The following TMEM135 variants were observed in gnomAD, a reference collection of about 807,000 sequenced individuals.
The protein encoded by TMEM135 is transmembrane protein 135, also known as peroxisomal membrane protein 52.
Under a neutral mutation model 60.3 loss-of-function variants are expected in TMEM135, and 30 were observed. The ratio of observed to expected loss-of-function variants is 0.50; its 90% CI spans 0.37 to 0.68. The LOEUF (loss-of-function observed/expected upper bound fraction) is 0.68. TMEM135 is among the 30% of genes least tolerant of loss of function. The probability of loss-of-function intolerance (pLI) is 0.00; values close to 1 mark genes in which losing one functional copy is unlikely to be tolerated. For synonymous variants in TMEM135, 190 were observed against 186.7 expected, an observed-to-expected ratio of 1.02 and a Z score of -0.14; for missense variants, 468 against 548.8, an observed-to-expected ratio of 0.85 and a Z score of 1.47.
rs372164080 is a variant in TMEM135, at chr11:87,280,928, C to T, written c.510-14854C>T. Among the ~76,000 whole-genome samples the T allele has an allele frequency of 5.6e-4, 85 of 152,264 alleles. No individual in the cohort carries two copies. In the Middle Eastern group the frequency reaches 0.017, roughly 31 times the overall value. On this transcript the variant is annotated intron_variant, in intron 6 of 14. Coordinates refer to ENST00000305494, the MANE Select transcript of TMEM135 (RefSeq NM_022918.4). ...GATGAACATGCCTATCAGCCGTATC[C>T]GCCTTCCTGCCTTTTGGATTTGATA...
At chr11:87,270,619 C>T (rs1941845415) in intron 6 of TMEM135, among the ~76,000 whole-genome samples, 1 of 152,104 alleles carries the variant, frequency 6.6e-6, no homozygotes, top group African/African-American at 2.4e-5. Flanking sequence ...AAATCATTCC[C>T]ACCATATGAT....
intron 6 of TMEM135, among the ~76,000 whole-genome samples, chr11:87,253,053 C>G (rs921301311): frequency 1.1e-4 from 16 of 151,956 alleles, no homozygotes; most frequent in Admixed American, 1.1e-3. Flanking sequence ...GAATCATTTC[C>G]TGTGAGAATA....
Position 87,327,606 on chromosome 11 carries a change from T to G in TMEM135, c.*6273T>G, listed in dbSNP as rs988573607. 9 of 452,958 alleles carry G rather than the reference T, an allele frequency of 2.0e-5. No homozygotes were observed. Among genetic ancestry groups the G allele is most frequent in the African/African-American group, 1.8e-4 (9 of 49,852 alleles). The allele number at this position is 452,958 out of a possible 1,614,324, so 28.1% of individuals were successfully genotyped here. ...GGATTAAGGGAGTTGGCTCATGTGATTGTGGAGGCTGAGAAACCCCACCAC... is the reference window on the plus strand; with the variant it reads ...GGATTAAGGGAGTTGGCTCATGTGAGTGTGGAGGCTGAGAAACCCCACCAC... On this transcript the variant is annotated 3_prime_UTR_variant, in exon 15 of 15. Transcript: ENST00000305494.
intron 6 of TMEM135, among the ~76,000 whole-genome samples, chr11:87,253,417 A>T (rs553344509): frequency 2.6e-5 from 4 of 152,190 alleles, no homozygotes; most frequent in Admixed American, 6.5e-5. Flanking sequence ...GGTGGTTTTA[A>T]AAATGTGAAT....
chr11:87,067,841 A>G lies in TMEM135; in HGVS notation c.269+20A>G, dbSNP rs373261075. 27 of 1,612,444 alleles carry G rather than the reference A, an allele frequency of 1.7e-5. No homozygotes were observed. In the African/African-American group the frequency reaches 2.8e-4, roughly 17 times the overall value. ...TTTAAGGTTGGTACTCATAATCACCATAGATACTAATATAGGTTCTTCTAT... is the reference window on the plus strand; with the variant it reads ...TTTAAGGTTGGTACTCATAATCACCGTAGATACTAATATAGGTTCTTCTAT... On this transcript the variant is annotated intron_variant, in intron 2 of 14. Coordinates refer to ENST00000305494, the MANE Select transcript of TMEM135 (RefSeq NM_022918.4).
chr11:87,237,854 C>G (rs894742176), intron 6 of TMEM135, among the ~76,000 whole-genome samples: 4 of 151,848 alleles, frequency 2.6e-5, no homozygotes, highest in African/African-American at 9.7e-5. Context: ...TCATTCTACT[C>G]TCTATGTCCA....
In TMEM135 at chr11:87,295,772, ATTG is replaced by A; in HGVS notation, c.510-7_510-5del. Reference sequence around the variant, plus strand: ...TGTTATTTTATGATTGTAAATTCTTATTGTTTTAGGTGCAAGGATGGCTTGAAA... The same window carrying A: ...TGTTATTTTATGATTGTAAATTCTTATTTTAGGTGCAAGGATGGCTTGAAA... On this transcript the variant is annotated splice_region_variant and splice_polypyrimidine_tract_variant and intron_variant, in intron 6 of 14. Coordinates refer to ENST00000305494, the MANE Select transcript of TMEM135 (RefSeq NM_022918.4). 1 of 1,597,152 alleles carries A rather than the reference ATTG, an allele frequency of 6.3e-7. No homozygotes were observed. The highest frequency in any genetic ancestry group is 8.6e-7 in the Non-Finnish European group (1 of 1,169,380).
intron 7 of TMEM135, among the ~76,000 whole-genome samples, chr11:87,296,072 A>G (rs1428403137): frequency 6.6e-6 from 1 of 152,198 alleles, no homozygotes; most frequent in African/African-American, 2.4e-5. Flanking sequence ...GTATTTGAAA[A>G]GAAATACAAG....
At chr11:87,283,706 A>G (rs1185189834) in intron 6 of TMEM135, among the ~76,000 whole-genome samples, 3 of 151,970 alleles carry the variant, frequency 2.0e-5, no homozygotes, top group Non-Finnish European at 4.4e-5. Context: ...AAAAATACAA[A>G]AATTAGCTGG....
At chr11:87,133,807 A>G (rs938014579) in intron 4 of TMEM135, among the ~76,000 whole-genome samples, 1 of 150,308 alleles carries the variant, frequency 6.7e-6, no homozygotes, top group Non-Finnish European at 1.5e-5. Flanking sequence ...CTCTTTTTTT[A>G]TCTGGCCTCT....
intron 4 of TMEM135, among the ~76,000 whole-genome samples, chr11:87,142,022 C>G (rs1035838497): frequency 6.6e-6 from 1 of 152,090 alleles, no homozygotes; most frequent in African/African-American, 2.4e-5. Context: ...AATGAAGGAA[C>G]CCAAGGACTT....
chr11:87,130,364 A>G lies in TMEM135; in HGVS notation c.397-26977A>G, dbSNP rs199837446. Among the ~76,000 whole-genome samples the G allele has an allele frequency of 4.6e-5, 7 of 152,290 alleles. No homozygotes were observed. The East Asian group carries it at 1.2e-3, about 25-fold the overall frequency. On this transcript the variant is annotated intron_variant, in intron 4 of 14. Transcript: ENST00000305494. ...GAAGGACATAAAATTTCATCTTTCTACTGTTTTCCTAAGAGGGCCTGGATG... is the reference window on the plus strand; with the variant it reads ...GAAGGACATAAAATTTCATCTTTCTGCTGTTTTCCTAAGAGGGCCTGGATG...
chr11:87,133,362 C>G (rs1373220296), intron 4 of TMEM135, among the ~76,000 whole-genome samples: 1 of 152,074 alleles, frequency 6.6e-6, no homozygotes, highest in South Asian at 2.1e-4. Context: ...AAAACATCAT[C>G]CCCAAAATTT....
chr11:87,291,739 C>T (rs1240173559), intron 6 of TMEM135, among the ~76,000 whole-genome samples: 1 of 151,806 alleles, frequency 6.6e-6, no homozygotes, highest in African/African-American at 2.4e-5. Flanking sequence ...GATGGGGTTT[C>T]GCCATGTTGG....
At chr11:87,306,698 C>G (rs531174728) in intron 9 of TMEM135, among the ~76,000 whole-genome samples, 1 of 152,064 alleles carries the variant, frequency 6.6e-6, no homozygotes, top group Admixed American at 6.6e-5. Context: ...GTGGCACCAC[C>G]TGCTGCAAGT....
chr11:87,136,208 T>G (rs1238679091), intron 4 of TMEM135, among the ~76,000 whole-genome samples: 1 of 152,044 alleles, frequency 6.6e-6, no homozygotes, highest in Non-Finnish European at 1.5e-5. Flanking sequence ...GTATGCCTTA[T>G]GAGAGTTAAA....
intron 5 of TMEM135, among the ~76,000 whole-genome samples, chr11:87,225,164 A>G (rs1001171243): frequency 6.6e-6 from 1 of 152,150 alleles, no homozygotes; most frequent in Middle Eastern, 3.2e-3. Flanking sequence ...AATGCTATAA[A>G]TCTTTAATGG....
intron 3 of TMEM135, among the ~76,000 whole-genome samples, chr11:87,081,469 A>T (rs554947892): frequency 6.6e-6 from 1 of 151,918 alleles, no homozygotes; most frequent in Admixed American, 6.6e-5. Context: ...ACTGCTTACT[A>T]TTGGATTTGT....
intron 6 of TMEM135, among the ~76,000 whole-genome samples, chr11:87,250,544 A>G (rs1941392341): frequency 6.6e-6 from 1 of 151,876 alleles, no homozygotes; most frequent in Non-Finnish European, 1.5e-5. Context: ...TTGGTCACTC[A>G]GGAGTGTATT....
Sources: gnomAD v4.1 joint callset for allele counts (sites outside exome capture counted in the v4.1 genomes callset) on GRCh38, gnomAD v4.1.1 for gene constraint, MANE v1.5 for transcripts, NCBI Gene and HGNC (gene_info 2026-07-23, HGNC 2026-07-21) for gene names.